The following CES4A variants were observed in gnomAD, a reference collection of about 807,000 sequenced individuals.
CES4A encodes carboxylesterase 6.
In CES4A, 48 loss-of-function variants were observed where a neutral mutation model predicts 65.4. That is an observed-to-expected ratio of 0.73 (90% CI 0.58 to 0.93). CES4A has a LOEUF of 0.93. Among genes scored for constraint, CES4A ranks in the 40% least tolerant of loss-of-function variants. The pLI is 0.00. For missense variants in CES4A, 685 were observed against 728.5 expected (o/e 0.94, Z 0.69); for synonymous variants, 247 against 281.8 (o/e 0.88, Z 1.24).
At chr16:67,008,751 C>A in intron 13 of CES4A, 1 of 506,854 alleles carries the variant, frequency 2.0e-6, no homozygotes, top group African/African-American at 1.9e-5. Flanking sequence ...CCTCCAAAAG[C>A]CTTGGTCTTT....
intron 9 of CES4A, among the ~76,000 whole-genome samples, chr16:67,004,470 A>C (rs924864413): frequency 1.3e-5 from 2 of 152,194 alleles, no homozygotes; most frequent in Non-Finnish European, 2.9e-5. Context: ...CTCAGATCAT[A>C]GTTTAGATGG....
chr16:67,006,814 C>T lies in CES4A; in HGVS notation c.1514C>T (p.Thr505Ile), dbSNP rs767073955. ...AAATACTGGGCCAACTTTGCCCGCACAGGGTGAGTCTGCCCCCCAGCACAT... is the reference window on the plus strand; with the variant it reads ...AAATACTGGGCCAACTTTGCCCGCATAGGGTGAGTCTGCCCCCCAGCACAT... The change falls in exon 13 of 14, where the codon ACA (threonine) becomes ATA (isoleucine). Residue 505 changes from threonine to isoleucine, a missense_variant. Physicochemically the swap from Thr to Ile is moderately conservative, Grantham distance 89. Coordinates refer to ENST00000648724, the Ensembl canonical transcript of CES4A. 1.9e-6 allele frequency: 3 copies of T among 1,613,988 alleles called. No homozygotes were observed. In the East Asian group the frequency reaches 6.7e-5, roughly 36 times the overall value.
chr16:67,004,258 T>TA (rs770101948), intron 9 of CES4A, 34 bp downstream of exon 9: 16 of 1,612,266 alleles, frequency 9.9e-6, no homozygotes. Flanking sequence ...GCTCTTGCCT[T>TA]ACGTAAGTGA....
rs1965513354 is a variant in CES4A at position 67,003,511 on chromosome 16, A to C, written c.901-4A>C. On this transcript the variant is annotated splice_polypyrimidine_tract_variant and splice_region_variant and intron_variant, in intron 7 of 13. Transcript: ENST00000648724. This position sits in a 1 kb window ranked among gnomAD's most constrained non-coding sequence, Gnocchi z 4.2. ...TAACTCTGATCCCTTCCTCTCCCCC[A>C]TAGAGATTCCTCCAACTGAACTTCC... 6.2e-7 allele frequency: 1 copy of C among 1,612,986 alleles called. No individual in the cohort carries two copies. The highest frequency in any genetic ancestry group is 8.5e-7 in the Non-Finnish European group (1 of 1,179,090).
At position 67,001,180 on chromosome 16, in the gene CES4A, G is replaced by C. The variant is rs936996117; in HGVS notation, c.537-128G>C. 84 of 1,372,792 alleles carry C rather than the reference G, an allele frequency of 6.1e-5. No homozygotes were observed. The Admixed American group carries it at 6.9e-4, about 11-fold the overall frequency. 85.0% of individuals were successfully genotyped at this position (1,372,792 alleles called of 1,614,324 possible). ...ATGGGGCGAGCTAACTCCAAGGAAG[G>C]GGGTGTGGTCGCAGGACTGGGTCTT... On this transcript the variant is annotated intron_variant, in intron 4 of 13. Coordinates refer to ENST00000648724, the Ensembl canonical transcript of CES4A. The surrounding 1 kb of genome is among the most constrained non-coding windows in gnomAD (Gnocchi z 4.1).
chr16:66,989,685 G>A lies in CES4A; in HGVS notation c.58+855G>A, dbSNP rs150720330. Among the ~76,000 whole-genome samples the A allele has an allele frequency of 1.7e-3, 252 of 151,868 alleles. 9 individuals carry two copies. The East Asian group carries it at 0.046, about 28-fold the overall frequency. On this transcript the variant is annotated intron_variant, in intron 1 of 13. Coordinates refer to ENST00000648724, the Ensembl canonical transcript of CES4A. ...CCAGCCTAACCAATATTATTACCCC[G>A]TCTCTACTAAAAATACAAAACTAGC...
chr16:66,991,666 G>A (rs1353502479), intron 1 of CES4A, among the ~76,000 whole-genome samples: 1 of 152,198 alleles, frequency 6.6e-6, no homozygotes, highest in Non-Finnish European at 1.5e-5. Context: ...CTAGGGAGCC[G>A]ACAGAAAAAC....
chr16:67,005,575 G>A (rs1232801765), intron 11 of CES4A, 182 bp downstream of exon 11: 7 of 598,472 alleles, frequency 1.2e-5, no homozygotes, highest in South Asian at 4.4e-5. Flanking sequence ...GGCCAGGCAC[G>A]GTGGCTCACA....
At position 67,000,408 on chromosome 16, in the gene CES4A, G is replaced by A. The variant is rs376205347; in HGVS notation, c.261-230G>A. 8 of 1,333,760 alleles carry A rather than the reference G, an allele frequency of 6.0e-6. No homozygotes were observed. The highest frequency in any genetic ancestry group is 7.8e-6 in the Non-Finnish European group (8 of 1,025,332). 82.6% of individuals were successfully genotyped at this position (1,333,760 alleles called of 1,614,324 possible). A position where few individuals can be genotyped will look rare whatever the true frequency, so the allele number is the denominator to read the frequency against. On this transcript the variant is annotated intron_variant, in intron 2 of 13. Coordinates refer to ENST00000648724, the Ensembl canonical transcript of CES4A. The surrounding 1 kb of genome is among the most constrained non-coding windows in gnomAD (Gnocchi z 4.2). ...CAACAGGAGCAGGAATCTCTCCACG[G>A]ACTGAGGCGCCGGGCAGGGAGGGGA... is the stretch of plus-strand genomic sequence containing the variant.
intron 5 of CES4A, 71 bp from the exon 6 acceptor site, chr16:67,002,999 A>C: frequency 7.4e-7 from 1 of 1,345,720 alleles, no homozygotes; most frequent in South Asian, 1.2e-5. Flanking sequence ...CCATGGCCAG[A>C]CAGATGCCCA....
chr16:66,996,209 G>C (rs1204701377), intron 2 of CES4A: 1 of 362,904 alleles, frequency 2.8e-6, no homozygotes, highest in East Asian at 7.4e-5. Context: ...CCTAATTTTT[G>C]TATTTTTAGT....
At chr16:66,998,155 A>AG (rs1276125837) in intron 2 of CES4A, among the ~76,000 whole-genome samples, 1 of 152,036 alleles carries the variant, frequency 6.6e-6, no homozygotes, top group East Asian at 1.9e-4. Flanking sequence ...AAGGATGGTC[A>AG]GAAAAAAAAA....
At chr16:66,994,940 G>A (rs772434641) in intron 1 of CES4A, among the ~76,000 whole-genome samples, 1 of 152,016 alleles carries the variant, frequency 6.6e-6, no homozygotes, top group African/African-American at 2.4e-5. Context: ...GAAGGTGGAG[G>A]TTGCAGTGAG....
chr16:66,995,324 T>C (rs1159136285), intron 1 of CES4A, among the ~76,000 whole-genome samples: 1 of 150,672 alleles, frequency 6.6e-6, no homozygotes, highest in Non-Finnish European at 1.5e-5. Context: ...AATAAATAAA[T>C]AAATAAATAA....
chr16:67,005,016 C>T lies in CES4A; in HGVS notation c.1161+143C>T, dbSNP rs1965643435. ...GAGGGTCTGGGGTTTGCTGTGGGAT[C>T]AGATGACTGCTTACAGGTAAGGTGC... On this transcript the variant is annotated intron_variant, in intron 10 of 13. Transcript: ENST00000648724. The T allele has an allele frequency of 5.2e-6, 4 of 763,454 alleles. No homozygotes were observed. In the East Asian group the frequency reaches 1.1e-4, roughly 20 times the overall value. The allele number at this position is 763,454 out of a possible 1,614,324, so 47.3% of individuals were successfully genotyped here. A position where few individuals can be genotyped will look rare whatever the true frequency, so the allele number is the denominator to read the frequency against.
At position 67,003,238 on chromosome 16, in the gene CES4A, C is replaced by A; in HGVS notation, c.796-18C>A. 6.2e-7 allele frequency: 1 copy of A among 1,613,694 alleles called. No homozygotes were observed. The highest frequency in any genetic ancestry group is 8.5e-7 in the Non-Finnish European group (1 of 1,179,570). ...GCAGGATGGAAGCACCACTGAGCAT[C>A]CTTTCTTCTCTCTATAGAAGGTTGC... On this transcript the variant is annotated intron_variant, in intron 6 of 13. Coordinates refer to ENST00000648724, the Ensembl canonical transcript of CES4A. This position sits in a 1 kb window ranked among gnomAD's most constrained non-coding sequence, Gnocchi z 4.2.
intron 5 of CES4A, 87 bp from the exon 6 acceptor site, chr16:67,002,983 G>A: frequency 8.7e-7 from 1 of 1,143,534 alleles, no homozygotes; most frequent in Non-Finnish European, 1.3e-6. Flanking sequence ...CACTCAGGCT[G>A]CCTGCCCATG....
intron 1 of CES4A, among the ~76,000 whole-genome samples, chr16:66,993,411 C>T (rs975004925): frequency 1.3e-5 from 2 of 152,030 alleles, no homozygotes; most frequent in African/African-American, 4.8e-5. Flanking sequence ...GGCAAAATCT[C>T]GGCTCACTGC....
chr16:66,992,149 C>A (rs1597047242), intron 1 of CES4A, among the ~76,000 whole-genome samples: 1 of 152,326 alleles, frequency 6.6e-6, no homozygotes, highest in Admixed American at 6.5e-5. Flanking sequence ...CTGGTCACGG[C>A]CCCCCTCTGG....
Sources: gnomAD v4.1 joint callset for allele counts (sites outside exome capture counted in the v4.1 genomes callset) on GRCh38, gnomAD v4.1.1 for gene constraint, Gnocchi (gnomAD v3.1) non-coding constraint, MANE v1.5 for transcripts, NCBI Gene and HGNC (gene_info 2026-07-23, HGNC 2026-07-21) for gene names.